GRM3: variants seen among roughly 807,000 people sequenced by gnomAD.
GRM3 encodes the protein glutamate metabotropic receptor 3, also known as metabotropic glutamate receptor 3.
GRM3 carries 26 observed loss-of-function variants against 70.5 expected under a neutral mutation model. That is an observed-to-expected ratio of 0.37 (90% confidence interval 0.27 to 0.51). The LOEUF is 0.51. GRM3 is among the 20% of genes least tolerant of loss of function. The probability of loss-of-function intolerance (pLI) is 0.93; values close to 1 mark genes in which losing one functional copy is unlikely to be tolerated. For synonymous variants in GRM3, 443 were observed against 434.9 expected, an observed-to-expected ratio of 1.02 and a Z score of -0.23; for missense variants, 859 against 1,123.8, an observed-to-expected ratio of 0.76 and a Z score of 3.37.
chr7:86,735,444 T>C (rs1395682712), intron 1 of GRM3, among the ~76,000 whole-genome samples: 1 of 152,244 alleles, frequency 6.6e-6, no homozygotes, highest in Non-Finnish European at 1.5e-5. Context: ...TTCTTCATTA[T>C]TAAGTTTGTC....
intron 1 of GRM3, among the ~76,000 whole-genome samples, chr7:86,722,965 C>A (rs1218141382): frequency 1.3e-5 from 2 of 151,988 alleles, no homozygotes; most frequent in African/African-American, 4.8e-5. Flanking sequence ...TCCACCTTTT[C>A]ACTCATTTCA....
intron 1 of GRM3, among the ~76,000 whole-genome samples, chr7:86,740,988 T>C (rs1379512133): frequency 1.3e-5 from 2 of 152,166 alleles, no homozygotes; most frequent in African/African-American, 4.8e-5. Flanking sequence ...AAGAACCATA[T>C]ATATGTGTAC....
intron 3 of GRM3, among the ~76,000 whole-genome samples, chr7:86,819,016 C>T (rs1285451700): frequency 6.6e-6 from 1 of 152,102 alleles, no homozygotes; most frequent in Non-Finnish European, 1.5e-5. Flanking sequence ...GAACCTCTAA[C>T]TTCCATCTCA....
At chr7:86,861,102 G>GC (rs1798948396) in intron 5 of GRM3, among the ~76,000 whole-genome samples, 1 of 152,210 alleles carries the variant, frequency 6.6e-6, no homozygotes, top group Non-Finnish European at 1.5e-5. Flanking sequence ...CTGAATGGGA[G>GC]CTCACAACCT....
At chr7:86,733,346 G>C (rs1226866289) in intron 1 of GRM3, among the ~76,000 whole-genome samples, 23 of 150,584 alleles carry the variant, frequency 1.5e-4, no homozygotes, top group Admixed American at 1.1e-3. Context: ...CTGAGATATA[G>C]AAGCTCTCCC....
intron 1 of GRM3, among the ~76,000 whole-genome samples, chr7:86,651,798 T>C (rs1384195802): frequency 6.6e-6 from 1 of 152,164 alleles, no homozygotes; most frequent in Non-Finnish European, 1.5e-5. Context: ...GACGTCCCCT[T>C]GAAAAAAATG....
intron 3 of GRM3, among the ~76,000 whole-genome samples, chr7:86,794,980 A>G (rs1797513557): frequency 6.6e-6 from 1 of 152,030 alleles, no homozygotes; most frequent in Non-Finnish European, 1.5e-5. Flanking sequence ...ATTCATACAC[A>G]CAAAGCTGCT....
At chr7:86,812,885 C>T (rs1029572947) in intron 3 of GRM3, among the ~76,000 whole-genome samples, 4 of 151,540 alleles carry the variant, frequency 2.6e-5, no homozygotes, top group Admixed American at 2.6e-4. Flanking sequence ...TATCTAGAGA[C>T]CCAGTTTGCT....
intron 1 of GRM3, among the ~76,000 whole-genome samples, chr7:86,752,831 A>G (rs1382895508): frequency 2.6e-5 from 4 of 152,086 alleles, no homozygotes; most frequent in Non-Finnish European, 5.9e-5. Context: ...AGATTGACTC[A>G]GGATAAGACG....
intron 3 of GRM3, among the ~76,000 whole-genome samples, chr7:86,832,043 C>T (rs1798363133): frequency 1.3e-5 from 2 of 152,112 alleles, no homozygotes; most frequent in South Asian, 4.1e-4. Flanking sequence ...TTCCTATCTT[C>T]TTGCTGCATG....
chr7:86,688,465 C>T (rs539590645), intron 1 of GRM3, among the ~76,000 whole-genome samples: 2 of 151,590 alleles, frequency 1.3e-5, no homozygotes, highest in African/African-American at 4.8e-5. Context: ...GTTTTCAATA[C>T]CTAATTAGCA....
chr7:86,846,310 T>C (rs1436132033), intron 4 of GRM3, among the ~76,000 whole-genome samples: 2 of 152,200 alleles, frequency 1.3e-5, no homozygotes, highest in African/African-American at 4.8e-5. Context: ...TGGGGATTAA[T>C]CCTTCAAGGG....
intron 1 of GRM3, among the ~76,000 whole-genome samples, chr7:86,735,400 C>A (rs955660310): frequency 2.0e-5 from 3 of 152,144 alleles, no homozygotes; most frequent in Admixed American, 6.5e-5. Flanking sequence ...TTCTAAGAAG[C>A]TTTATCTAAC....
intron 3 of GRM3, among the ~76,000 whole-genome samples, chr7:86,838,458 A>C (rs1475059758): frequency 6.6e-6 from 1 of 152,210 alleles, no homozygotes; most frequent in Non-Finnish European, 1.5e-5. Context: ...TACATAAATA[A>C]ATACGTAATA....
intron 4 of GRM3, among the ~76,000 whole-genome samples, chr7:86,841,865 A>G (rs1228842228): frequency 6.6e-6 from 1 of 152,174 alleles, no homozygotes; most frequent in East Asian, 1.9e-4. Context: ...AACTTTCACC[A>G]CATAGAAGAA....
Position 86,765,013 on chromosome 7 carries a change from G to A in GRM3, c.-133G>A. 6.8e-7 allele frequency: 1 copy of A among 1,467,700 alleles called. No individual in the cohort carries two copies. 90.9% of individuals were successfully genotyped at this position (1,467,700 alleles called of 1,614,324 possible). On this transcript the variant is annotated 5_prime_UTR_variant, in exon 2 of 6. It adds an upstream start codon to the 5' untranslated region. Transcript: ENST00000361669. ...TAATTTTTATCTCTTTAGGAATTTT[G>A]TGACAGGCTCTGTTAGTCTGTTCCT...
chr7:86,792,434 A>T (rs1414382403), intron 3 of GRM3, among the ~76,000 whole-genome samples: 2 of 152,212 alleles, frequency 1.3e-5, no homozygotes, highest in Non-Finnish European at 2.9e-5. Flanking sequence ...AGACACATCC[A>T]ATGTCACGTA....
chr7:86,799,056 A>G (rs1463225218), intron 3 of GRM3, among the ~76,000 whole-genome samples: 1 of 152,178 alleles, frequency 6.6e-6, no homozygotes, highest in Non-Finnish European at 1.5e-5. Context: ...TACTCCTTGA[A>G]GAGGTCCTTC....
At chr7:86,685,772 G>C (rs1161971632) in intron 1 of GRM3, among the ~76,000 whole-genome samples, 1 of 151,976 alleles carries the variant, frequency 6.6e-6, no homozygotes, top group Non-Finnish European at 1.5e-5. Flanking sequence ...CGGGCATGGT[G>C]GGGCGCACCT....
Sources: gnomAD v4.1 joint callset for allele counts (sites outside exome capture counted in the v4.1 genomes callset) on GRCh38, gnomAD v4.1.1 for gene constraint, MANE v1.5 for transcripts, NCBI Gene and HGNC (gene_info 2026-07-23, HGNC 2026-07-21) for gene names.